SLC26A8: variants seen among roughly 807,000 people sequenced by gnomAD.
The protein encoded by SLC26A8 is testis anion transporter 1.
Under a neutral mutation model 105.0 loss-of-function variants are expected in SLC26A8, and 70 were observed. The observed-to-expected ratio is 0.67, with a 90% CI of 0.55 to 0.81. The LOEUF (loss-of-function observed/expected upper bound fraction) is 0.81, where lower values mean the gene tolerates loss of function less well. SLC26A8 is among the 40% of genes least tolerant of loss of function. The probability of loss-of-function intolerance (pLI) is 0.00; values close to 1 mark genes in which losing one functional copy is unlikely to be tolerated. For synonymous variants in SLC26A8, 415 were observed against 438.3 expected (o/e 0.95, Z 0.66); for missense variants, 998 against 1,181.8 (o/e 0.84, Z 2.28).
At chr6:35,980,644 G>T (rs1773230919) in intron 8 of SLC26A8, among the ~76,000 whole-genome samples, 3 of 152,100 alleles carry the variant, frequency 2.0e-5, no homozygotes, top group African/African-American at 7.2e-5. Flanking sequence ...GGAATTTCAA[G>T]TTGATTCAGC....
At chr6:36,010,137 C>T (rs763579568) in intron 3 of SLC26A8, among the ~76,000 whole-genome samples, 2 of 152,238 alleles carry the variant, frequency 1.3e-5, no homozygotes, top group East Asian at 1.9e-4. Context: ...AAAACCTGTA[C>T]GTGAATGTTC....
chr6:35,994,121 T>C (rs917774568), intron 5 of SLC26A8, among the ~76,000 whole-genome samples: 11 of 147,200 alleles, frequency 7.5e-5, no homozygotes, highest in African/African-American at 2.5e-4. Context: ...CTTTTCTTTT[T>C]TTTTTTTTTT....
rs1236361563 is a variant in SLC26A8, at chr6:35,955,279, T to C, written c.2105A>G (p.Glu702Gly). 1.2e-6 allele frequency: 2 copies of C among 1,614,200 alleles called. No individual in the cohort carries two copies. The highest frequency in any genetic ancestry group is 1.7e-6 in the Non-Finnish European group (2 of 1,180,030). The change falls in exon 17 of 20, where the codon GAA becomes GGA. Residue 702 changes from glutamate to glycine, a missense_variant. Physicochemically the swap from Glu to Gly is moderately conservative, Grantham distance 98. Coordinates refer to ENST00000490799, the MANE Select transcript of SLC26A8 (RefSeq NM_052961.4). ...NSSPGLPDVA[E>G]SQGRRSLIPY... ...GATGAGTGATCTCCTCCCCTGGCTT[T>C]CCGCCACATCAGGCAGTCCTGGTGA...
intron 5 of SLC26A8, among the ~76,000 whole-genome samples, chr6:35,994,307 G>C (rs1284989169): frequency 1.3e-5 from 2 of 151,546 alleles, no homozygotes; most frequent in Non-Finnish European, 2.9e-5. Context: ...GTAGAGACAG[G>C]GTTTCACCGT....
At chr6:35,993,186 T>TGC (rs1761231636) in intron 5 of SLC26A8, among the ~76,000 whole-genome samples, 1 of 30,804 alleles carries the variant, frequency 3.2e-5, no homozygotes, top group African/African-American at 7.5e-5. Context: ...TGATAGAGAT[T>TGC]GGAGGGGGGG....
chr6:35,987,113 A>G (rs1404645610), intron 7 of SLC26A8, among the ~76,000 whole-genome samples: 1 of 152,232 alleles, frequency 6.6e-6, no homozygotes, highest in East Asian at 1.9e-4. Context: ...ATGCACCTCT[A>G]CAAGAACTAG....
chr6:35,956,428 CAAAA>C (rs56146863), intron 16 of SLC26A8, among the ~76,000 whole-genome samples: 7 of 105,872 alleles, frequency 6.6e-5, no homozygotes, highest in Admixed American at 1.0e-4. Flanking sequence ...ACCTTATGTC[CAAAA>C]AAAAAAAAAA....
chr6:35,991,111 G>T (rs1446821679), intron 7 of SLC26A8, among the ~76,000 whole-genome samples: 1 of 151,984 alleles, frequency 6.6e-6, no homozygotes, highest in East Asian at 1.9e-4. Context: ...AATTAAAAAT[G>T]ATAATTAGGC....
rs764304070 is a variant in SLC26A8, at chr6:35,960,979, C to T, written c.1568+14G>A. On this transcript the variant is annotated intron_variant, in intron 13 of 19. Coordinates refer to ENST00000490799, the MANE Select transcript of SLC26A8 (RefSeq NM_052961.4). ...CCTTGCCTTGTTAACCTCCTATTAC[C>T]TGAGACAAAGTACCTGTGTGAACGA... The T allele has an allele frequency of 5.6e-5, 91 of 1,613,860 alleles. No homozygotes were observed. The Middle Eastern group carries it at 8.2e-4, about 15-fold the overall frequency.
At chr6:36,021,001 G>A (rs146789260) in intron 1 of SLC26A8, among the ~76,000 whole-genome samples, 51 of 152,104 alleles carry the variant, frequency 3.4e-4, no homozygotes, top group African/African-American at 1.2e-3. Flanking sequence ...ATTTCTTCAC[G>A]AGTTATGTCA....
At chr6:35,956,644 G>T (rs1215092164) in intron 16 of SLC26A8, among the ~76,000 whole-genome samples, 3 of 152,064 alleles carry the variant, frequency 2.0e-5, no homozygotes, top group Non-Finnish European at 2.9e-5. Context: ...GTAAGGCCAG[G>T]CATGGTGGCT....
At chr6:35,987,456 C>T (rs1773567465) in intron 7 of SLC26A8, among the ~76,000 whole-genome samples, 2 of 152,124 alleles carry the variant, frequency 1.3e-5, no homozygotes, top group South Asian at 2.1e-4. Flanking sequence ...ACTGCAAGCT[C>T]CGCCTCTCGG....
chr6:35,983,769 G>A (rs1773375625), intron 7 of SLC26A8, among the ~76,000 whole-genome samples: 2 of 152,026 alleles, frequency 1.3e-5, no homozygotes, highest in East Asian at 1.9e-4. Context: ...TGGCCCGGCT[G>A]TTCTTGAATT....
At chr6:35,982,869 T>C (rs1773334772) in intron 7 of SLC26A8, among the ~76,000 whole-genome samples, 1 of 152,218 alleles carries the variant, frequency 6.6e-6, no homozygotes, top group Non-Finnish European at 1.5e-5. Flanking sequence ...GCAAAGCAAC[T>C]ACCTGCTTTT....
intron 5 of SLC26A8, among the ~76,000 whole-genome samples, chr6:35,994,114 T>TG (rs1761275601): frequency 3.8e-5 from 4 of 104,960 alleles, no homozygotes; most frequent in Admixed American, 9.5e-5. Context: ...TTTTTTTCTT[T>TG]TCTTTTTTTT....
At chr6:35,969,144 A>G (rs989719589) in intron 10 of SLC26A8, 190 bp from the exon 11 acceptor site, 3 of 559,896 alleles carry the variant, frequency 5.4e-6, no homozygotes, top group Non-Finnish European at 9.7e-6. Context: ...TAGGTACTCA[A>G]TAAATACTCC....
At chr6:36,009,243 C>T (rs1052872284) in intron 3 of SLC26A8, among the ~76,000 whole-genome samples, 1 of 152,008 alleles carries the variant, frequency 6.6e-6, no homozygotes, top group African/African-American at 2.4e-5. Flanking sequence ...CCCAGCTACT[C>T]AGGAGGCTGA....
chr6:35,957,160 T>A (rs1201059687), intron 16 of SLC26A8, among the ~76,000 whole-genome samples: 1 of 152,052 alleles, frequency 6.6e-6, no homozygotes, highest in African/African-American at 2.4e-5. Context: ...AAGCAGAGTT[T>A]GTGGTGAGCC....
intron 19 of SLC26A8, 125 bp downstream of exon 19, chr6:35,951,038 T>C: frequency 1.0e-6 from 1 of 954,444 alleles, no homozygotes. Context: ...ACTAAATACC[T>C]TTCCTGGACA....
Sources: allele counts gnomAD v4.1 joint callset (sites outside exome capture counted in the v4.1 genomes callset), GRCh38; gene constraint gnomAD v4.1.1; transcripts MANE v1.5; gene names NCBI Gene and HGNC (gene_info 2026-07-23, HGNC 2026-07-21).